Variants in GADL1 observed in about 807,000 individuals in gnomAD.
GADL1 encodes the protein GAD like acidic amino acid decarboxylase 1.
GADL1 carries 71 observed loss-of-function variants against 69.5 expected under a neutral mutation model. The observed-to-expected ratio is 1.02, with a 90% CI of 0.84 to 1.25. GADL1 has a LOEUF of 1.25. Among genes scored for constraint, GADL1 ranks in the 50% most tolerant of loss-of-function variants. GADL1 has a pLI of 0.00. For synonymous variants in GADL1, 254 were observed against 214.4 expected (o/e 1.18, Z -1.62); for missense variants, 737 against 631.8 (o/e 1.17, Z -1.79).
At chr3:30,743,667 A>C (rs1186559697) in intron 14 of GADL1, among the ~76,000 whole-genome samples, 2 of 152,242 alleles carry the variant, frequency 1.3e-5, no homozygotes, top group African/African-American at 4.8e-5. Context: ...GTGGATGGTT[A>C]GGAGCATGGG....
intron 1 of GADL1, among the ~76,000 whole-genome samples, chr3:30,891,832 A>G (rs1189589744): frequency 6.6e-6 from 1 of 151,874 alleles, no homozygotes; most frequent in Non-Finnish European, 1.5e-5. Context: ...AAAAAGTCAC[A>G]GAGAAAAAGA....
intron 12 of GADL1, among the ~76,000 whole-genome samples, chr3:30,790,401 G>T (rs923717915): frequency 2.0e-5 from 3 of 152,126 alleles, no homozygotes; most frequent in Non-Finnish European, 2.9e-5. Context: ...ACAGACATAT[G>T]AAGTGAGCAC....
intron 1 of GADL1, among the ~76,000 whole-genome samples, chr3:30,875,325 A>G (rs1301914251): frequency 1.3e-5 from 2 of 151,898 alleles, no homozygotes; most frequent in East Asian, 3.9e-4. Flanking sequence ...GCAATCTATC[A>G]TAGTCCAGTC....
At chr3:30,868,827 C>T (rs1218148950) in intron 1 of GADL1, among the ~76,000 whole-genome samples, 2 of 151,794 alleles carry the variant, frequency 1.3e-5, no homozygotes, top group African/African-American at 2.4e-5. Flanking sequence ...ATAATGTTTG[C>T]TTTCAAAGGA....
At chr3:30,829,420 T>C (rs997677581) in intron 11 of GADL1, among the ~76,000 whole-genome samples, 1 of 151,916 alleles carries the variant, frequency 6.6e-6, no homozygotes, top group Non-Finnish European at 1.5e-5. Context: ...GTTTTTTCCA[T>C]GAACAGCAGT....
intron 14 of GADL1, among the ~76,000 whole-genome samples, chr3:30,768,269 G>A (rs1175497872): frequency 2.0e-5 from 3 of 152,080 alleles, no homozygotes; most frequent in Non-Finnish European, 4.4e-5. Context: ...ATCTGTTATT[G>A]TTTACAATAG....
Position 30,861,652 on chromosome 3 carries a change from C to T in GADL1, c.151G>A (p.Glu51Lys), listed in dbSNP as rs774661283. 6.4e-7 allele frequency: 1 copy of T among 1,550,462 alleles called. No individual in the cohort carries two copies. The highest frequency in any genetic ancestry group is 8.7e-7 in the Non-Finnish European group (1 of 1,146,052). Residue 51 changes from glutamate (E) to lysine (K), a missense_variant, in exon 2 of 15, where the codon GAG (glutamate) becomes AAG (lysine). Glu to Lys is a moderately conservative substitution (Grantham distance 56, BLOSUM62 1). Coordinates refer to ENST00000282538, the MANE Select transcript of GADL1 (RefSeq NM_207359.3). ...TCTTCCATTATTAGCCTACAGGCCT[C>T]TTCAACAAATTTTTCTCCAGCTTTT... ...DAKAGEKFVE[E>K]ACRLIMEEVV...
chr3:30,806,814 G>A (rs1012495251), intron 11 of GADL1, among the ~76,000 whole-genome samples: 1 of 152,194 alleles, frequency 6.6e-6, no homozygotes, highest in African/African-American at 2.4e-5. Flanking sequence ...GGCCATAGCT[G>A]GAGAGTTCAG....
At chr3:30,729,402 C>A (rs895082145) in intron 14 of GADL1, among the ~76,000 whole-genome samples, 5 of 152,050 alleles carry the variant, frequency 3.3e-5, no homozygotes, top group Non-Finnish European at 7.4e-5. Context: ...TGAGTGTGTC[C>A]TATGTGAATA....
At chr3:30,794,484 T>G (rs534909560) in intron 12 of GADL1, among the ~76,000 whole-genome samples, 2 of 152,186 alleles carry the variant, frequency 1.3e-5, no homozygotes, top group Non-Finnish European at 2.9e-5. Context: ...ACTGGCTTTG[T>G]GCCATAGTGG....
At chr3:30,871,277 T>C (rs1330950689) in intron 1 of GADL1, among the ~76,000 whole-genome samples, 2 of 151,466 alleles carry the variant, frequency 1.3e-5, no homozygotes, top group African/African-American at 2.4e-5. Context: ...CTTAGAAAGA[T>C]GAAGCGGGAC....
At chr3:30,768,178 G>A (rs1169161154) in intron 14 of GADL1, among the ~76,000 whole-genome samples, 1 of 152,104 alleles carries the variant, frequency 6.6e-6, no homozygotes, top group Non-Finnish European at 1.5e-5. Context: ...AGCTGCATGA[G>A]TTTTTTCAGG....
At chr3:30,764,221 C>CTTCATAG (rs1696212981) in intron 14 of GADL1, among the ~76,000 whole-genome samples, 1 of 151,550 alleles carries the variant, frequency 6.6e-6, no homozygotes, top group Admixed American at 6.6e-5. Flanking sequence ...GAAAAATTCT[C>CTTCATAG]TTAAGAGATT....
chr3:30,797,664 G>GTTTTTTTTTTT (rs1242496468), intron 12 of GADL1: 1 of 112,340 alleles, frequency 8.9e-6, no homozygotes, highest in Admixed American at 9.3e-5. Context: ...GTTTTGTTTT[G>GTTTTTTTTTTT]TTTTTGTTTT....
intron 14 of GADL1, among the ~76,000 whole-genome samples, chr3:30,756,384 C>T (rs752595670): frequency 6.6e-6 from 1 of 151,696 alleles, no homozygotes; most frequent in Admixed American, 6.6e-5. Context: ...AGCCATAAAA[C>T]ACTCTATAAT....
intron 2 of GADL1, among the ~76,000 whole-genome samples, chr3:30,857,411 G>T (rs1698245817): frequency 6.6e-6 from 1 of 151,950 alleles, no homozygotes; most frequent in South Asian, 2.1e-4. Flanking sequence ...GCGAATCAAA[G>T]TTTAGGGAGG....
At chr3:30,755,097 TAG>T (rs376586798) in intron 14 of GADL1, among the ~76,000 whole-genome samples, 5 of 152,090 alleles carry the variant, frequency 3.3e-5, no homozygotes, top group African/African-American at 9.7e-5. Flanking sequence ...GTGCTTCACA[TAG>T]AGAAAATTAG....
intron 14 of GADL1, among the ~76,000 whole-genome samples, chr3:30,763,051 CTT>C (rs1218528882): frequency 1.3e-5 from 2 of 152,288 alleles, no homozygotes; most frequent in African/African-American, 4.8e-5. Flanking sequence ...GCAGTTATCT[CTT>C]CCATATACTG....
intron 14 of GADL1, among the ~76,000 whole-genome samples, chr3:30,776,835 C>T (rs960395032): frequency 6.6e-6 from 1 of 152,208 alleles, no homozygotes; most frequent in African/African-American, 2.4e-5. Flanking sequence ...ATCACTGCTT[C>T]TTTGCACCCC....
Sources: gnomAD v4.1 joint callset for allele counts (sites outside exome capture counted in the v4.1 genomes callset) on GRCh38, gnomAD v4.1.1 for gene constraint, MANE v1.5 for transcripts, NCBI Gene and HGNC (gene_info 2026-07-23, HGNC 2026-07-21) for gene names.